The following DENND5B variants were observed in gnomAD, a reference collection of about 807,000 sequenced individuals.
The protein encoded by DENND5B is DENN domain-containing protein 5B.
DENND5B carries 34 observed loss-of-function variants against 140.6 expected under a neutral mutation model. That is an observed-to-expected ratio of 0.24 (90% CI 0.18 to 0.32). The LOEUF is 0.32. Ranked by LOEUF, DENND5B falls within the 10% of genes least tolerant of loss-of-function variation. The pLI is 1.00. For missense variants in DENND5B, 1,142 were observed against 1,560.2 expected, an observed-to-expected ratio of 0.73 and a Z score of 4.52; for synonymous variants, 551 against 562.1, an observed-to-expected ratio of 0.98 and a Z score of 0.28.
At chr12:31,503,063 C>T (rs1272615773) in intron 1 of DENND5B, among the ~76,000 whole-genome samples, 3 of 152,166 alleles carry the variant, frequency 2.0e-5, no homozygotes, top group Non-Finnish European at 4.4e-5. Flanking sequence ...CAGAAACACA[C>T]TTCTGGGAGG....
At chr12:31,472,588 A>C (rs1373195332) in intron 3 of DENND5B, among the ~76,000 whole-genome samples, 1 of 152,124 alleles carries the variant, frequency 6.6e-6, no homozygotes, top group East Asian at 1.9e-4. Flanking sequence ...CACGGCACCC[A>C]GCCTGAAATG....
rs1217687306 is a variant in DENND5B, at chr12:31,452,358, C to A, written c.1211G>T (p.Gly404Val). Residue 404 changes from glycine to valine, a missense_variant, in exon 5 of 21, where the codon GGG (glycine) becomes GTG (valine). Gly to Val is a moderately radical substitution (Grantham distance 109). Coordinates refer to ENST00000389082, the MANE Select transcript of DENND5B (RefSeq NM_144973.4). ...ATGTAGGCTGCCCTCAGGAGGGATCCCAAATTGAACAAGAACCTCAGAGAG... is the reference window on the plus strand; with the variant it reads ...ATGTAGGCTGCCCTCAGGAGGGATCACAAATTGAACAAGAACCTCAGAGAG... ...QELSEVLVQF[G>V]IPPEGSLHCS... 6.2e-7 allele frequency: 1 copy of A among 1,613,756 alleles called. No homozygotes were observed. Among genetic ancestry groups the A allele is most frequent in the African/African-American group, 1.3e-5 (1 of 74,856 alleles).
intron 1 of DENND5B, among the ~76,000 whole-genome samples, chr12:31,545,012 A>C (rs1210937658): frequency 6.6e-6 from 1 of 152,120 alleles, no homozygotes; most frequent in African/African-American, 2.4e-5. Flanking sequence ...CATAAAAACA[A>C]AGGGAAGGGG....
intron 1 of DENND5B, among the ~76,000 whole-genome samples, chr12:31,548,380 G>A (rs950010230): frequency 7.1e-6 from 1 of 140,930 alleles, no homozygotes; most frequent in African/African-American, 2.6e-5. Flanking sequence ...GGCAACATCT[G>A]TCTCAAAAAA....
At chr12:31,507,285 C>T (rs964693096) in intron 1 of DENND5B, among the ~76,000 whole-genome samples, 18 of 152,040 alleles carry the variant, frequency 1.2e-4, no homozygotes, top group African/African-American at 3.6e-4. Flanking sequence ...TACAGGTGCA[C>T]GCCACCATGC....
intron 2 of DENND5B, among the ~76,000 whole-genome samples, chr12:31,492,861 G>A (rs888000827): frequency 9.9e-5 from 15 of 152,164 alleles, no homozygotes; most frequent in South Asian, 4.1e-4. Flanking sequence ...CAAAGATGAC[G>A]CTAGGCATCT....
intron 1 of DENND5B, among the ~76,000 whole-genome samples, chr12:31,529,748 G>A (rs7132159): frequency 0.56 from 81,806 of 147,028 alleles, 22,678 homozygotes; most frequent in East Asian, 0.82. Context: ...TTTTAAAAAA[G>A]AAAACATCCT....
At chr12:31,547,125 G>A (rs961869728) in intron 1 of DENND5B, among the ~76,000 whole-genome samples, 1 of 152,152 alleles carries the variant, frequency 6.6e-6, no homozygotes, top group South Asian at 2.1e-4. Flanking sequence ...AGGAACCTGT[G>A]CCTGTGTGCA....
At chr12:31,508,968 A>T (rs1167640414) in intron 1 of DENND5B, among the ~76,000 whole-genome samples, 1 of 152,158 alleles carries the variant, frequency 6.6e-6, no homozygotes, top group Non-Finnish European at 1.5e-5. Flanking sequence ...AGGTGGAGCC[A>T]TTTTAACCAC....
intron 6 of DENND5B, among the ~76,000 whole-genome samples, chr12:31,443,303 G>A (rs1944127326): frequency 6.6e-6 from 1 of 152,124 alleles, no homozygotes; most frequent in Admixed American, 6.6e-5. Flanking sequence ...TTCAACTCCT[G>A]ACCTCAGGTG....
intron 3 of DENND5B, among the ~76,000 whole-genome samples, chr12:31,467,263 CAT>C (rs1364831991): frequency 7.2e-5 from 11 of 151,860 alleles, no homozygotes; most frequent in Admixed American, 2.6e-4. Context: ...TCTAAGAACA[CAT>C]GTTAGGAAGA....
chr12:31,448,468 G>C (rs1051227063), intron 5 of DENND5B, among the ~76,000 whole-genome samples: 1 of 152,126 alleles, frequency 6.6e-6, no homozygotes, highest in East Asian at 1.9e-4. Context: ...TCTATTCCTA[G>C]CCTATGAAAT....
chr12:31,398,421 C>G, intron 16 of DENND5B, 59 bp from the exon 17 acceptor site: 1 of 1,471,064 alleles, frequency 6.8e-7, no homozygotes, highest in Non-Finnish European at 9.0e-7. Flanking sequence ...GGTTCCCGCT[C>G]AGCCCCCTGA....
intron 1 of DENND5B, among the ~76,000 whole-genome samples, chr12:31,560,909 A>G (rs1401473755): frequency 6.6e-6 from 1 of 152,036 alleles, no homozygotes; most frequent in African/African-American, 2.4e-5. Context: ...ACCTTGTTTA[A>G]TATTGCAACC....
At chr12:31,421,351 A>G (rs1393788064) in intron 11 of DENND5B, among the ~76,000 whole-genome samples, 1 of 152,128 alleles carries the variant, frequency 6.6e-6, no homozygotes, top group African/African-American at 2.4e-5. Flanking sequence ...AGCCCATCAT[A>G]AATCTTTAAG....
intron 2 of DENND5B, among the ~76,000 whole-genome samples, chr12:31,483,834 A>G (rs1946178477): frequency 6.6e-6 from 1 of 151,804 alleles, no homozygotes; most frequent in African/African-American, 2.4e-5. Flanking sequence ...GTTAGACAAA[A>G]AAGCAAATTA....
At chr12:31,527,467 A>T (rs1375932256) in intron 1 of DENND5B, among the ~76,000 whole-genome samples, 1 of 152,118 alleles carries the variant, frequency 6.6e-6, no homozygotes, top group African/African-American at 2.4e-5. Context: ...TTTCAAACAG[A>T]GGAATGCTGC....
intron 15 of DENND5B, among the ~76,000 whole-genome samples, chr12:31,401,367 G>T (rs1941787581): frequency 1.3e-5 from 2 of 152,094 alleles, no homozygotes; most frequent in African/African-American, 4.8e-5. Context: ...TTTATATACA[G>T]GTGGCTTTGA....
chr12:31,564,870 G>A (rs1454284853), intron 1 of DENND5B, among the ~76,000 whole-genome samples: 1 of 151,954 alleles, frequency 6.6e-6, no homozygotes, highest in Non-Finnish European at 1.5e-5. Flanking sequence ...TTACAGGTGT[G>A]AGCCACCACA....
Sources: gnomAD v4.1 joint callset for allele counts (sites outside exome capture counted in the v4.1 genomes callset) on GRCh38, gnomAD v4.1.1 for gene constraint, MANE v1.5 for transcripts, NCBI Gene and HGNC (gene_info 2026-07-23, HGNC 2026-07-21) for gene names.